Variants in SIK3 observed in about 807,000 individuals in gnomAD.
SIK3 encodes serine/threonine-protein kinase SIK3.
A neutral mutation model predicts 144.2 loss-of-function variants in SIK3; 28 were observed. The ratio of observed to expected loss-of-function variants is 0.19; its 90% confidence interval spans 0.14 to 0.27. The LOEUF (loss-of-function observed/expected upper bound fraction) is 0.27, where lower values mean the gene tolerates loss of function less well. Ranked by LOEUF, SIK3 falls within the 10% of genes least tolerant of loss-of-function variation. The probability of loss-of-function intolerance (pLI) is 1.00; values close to 1 mark genes in which losing one functional copy is unlikely to be tolerated. For missense variants in SIK3, 1,319 were observed against 1,776.0 expected, an observed-to-expected ratio of 0.74 and a Z score of 4.62; for synonymous variants, 686 against 676.3, an observed-to-expected ratio of 1.01 and a Z score of -0.22.
At chr11:116,914,118 C>A (rs1230360761) in intron 4 of SIK3, among the ~76,000 whole-genome samples, 23 of 151,306 alleles carry the variant, frequency 1.5e-4, no homozygotes, top group Non-Finnish European at 1.9e-4. Flanking sequence ...CAAAAAAAAA[C>A]TTCAAATGAG....
At chr11:116,864,099 C>T (rs1943498294) in intron 15 of SIK3, 1 of 263,966 alleles carries the variant, frequency 3.8e-6, no homozygotes. Context: ...CTTATAAATA[C>T]ACTAGGCCAG....
intron 13 of SIK3, among the ~76,000 whole-genome samples, chr11:116,872,517 T>G (rs2134523285): frequency 6.6e-6 from 1 of 152,348 alleles, no homozygotes; most frequent in Admixed American, 6.5e-5. Flanking sequence ...ACTGAAAGTG[T>G]GGCCCATGGA....
intron 1 of SIK3, among the ~76,000 whole-genome samples, chr11:117,093,122 C>T (rs919784942): frequency 2.0e-5 from 3 of 152,216 alleles, no homozygotes; most frequent in Admixed American, 6.5e-5. Context: ...AGGGATGGGG[C>T]TATCTTCCTC....
intron 1 of SIK3, among the ~76,000 whole-genome samples, chr11:117,090,539 CA>C (rs1423020496): frequency 6.6e-6 from 1 of 152,148 alleles, no homozygotes; most frequent in Non-Finnish European, 1.5e-5. Context: ...GTGAGGAGCC[CA>C]TCTAAGAAAC....
intron 1 of SIK3, among the ~76,000 whole-genome samples, chr11:117,018,388 C>T (rs1033018134): frequency 3.3e-5 from 5 of 152,186 alleles, no homozygotes; most frequent in Non-Finnish European, 5.9e-5. Context: ...GTGCAGGGGT[C>T]AGCTCTACAA....
At chr11:117,065,968 AAT>A (rs1953992218) in intron 1 of SIK3, among the ~76,000 whole-genome samples, 1 of 152,000 alleles carries the variant, frequency 6.6e-6, no homozygotes, top group Non-Finnish European at 1.5e-5. Flanking sequence ...TCCCTGAGCC[AAT>A]ATTTCTTTAT....
At chr11:116,863,155 A>G (rs1169009535) in intron 16 of SIK3, among the ~76,000 whole-genome samples, 2 of 152,124 alleles carry the variant, frequency 1.3e-5, no homozygotes, top group East Asian at 3.9e-4. Context: ...AATGAACTAG[A>G]GACAGGAGAA....
In SIK3 at chr11:117,098,383, C is replaced by A. The variant is rs2134123930; in HGVS notation, c.33G>T (p.Gly11=). MAAAAASGAG[G]AAGAGTGGAG... is the part of the protein sequence containing the mutation. The stretch of plus-strand genomic sequence containing the variant: ...CTCCCCCAGTCCCGGCCCCGGCAGC[C>A]CCGCCAGCTCCGCTCGCCGCCGCCG... The change falls in exon 1 of 25, where the codon GGG becomes GGT. Residue 11 remains glycine, a synonymous_variant. Coordinates refer to ENST00000445177, the MANE Select transcript of SIK3 (RefSeq NM_001366686.3). 1 of 1,170,160 alleles carries A rather than the reference C, an allele frequency of 8.5e-7. No homozygotes were observed. Among genetic ancestry groups the A allele is most frequent in the Non-Finnish European group, 1.1e-6 (1 of 949,484 alleles). The allele number at this position is 1,170,160 out of a possible 1,614,324, so 72.5% of individuals were successfully genotyped here.
chr11:117,036,884 T>G (rs79689168), intron 1 of SIK3, among the ~76,000 whole-genome samples: 5,902 of 152,286 alleles, frequency 0.039, 364 homozygotes, highest in African/African-American at 0.13. Flanking sequence ...CAATACCATA[T>G]GAATCAATCA....
intron 6 of SIK3, among the ~76,000 whole-genome samples, chr11:116,884,081 A>T (rs775258125): frequency 2.0e-5 from 3 of 152,190 alleles, no homozygotes; most frequent in Non-Finnish European, 2.9e-5. Flanking sequence ...TATTTTGGGT[A>T]CTGCTAGAAC....
chr11:116,896,182 A>G, intron 6 of SIK3, 71 bp downstream of exon 6: 1 of 1,586,772 alleles, frequency 6.3e-7, no homozygotes, highest in Non-Finnish European at 8.6e-7. Flanking sequence ...CCATCACTAA[A>G]TTCCTGGGAT....
intron 4 of SIK3, among the ~76,000 whole-genome samples, chr11:116,906,218 T>C (rs1226843664): frequency 1.3e-5 from 2 of 152,034 alleles, no homozygotes; most frequent in African/African-American, 4.8e-5. Context: ...AAAGATGTTC[T>C]GAAAGGAGCG....
intron 1 of SIK3, among the ~76,000 whole-genome samples, chr11:117,060,029 T>A (rs1301820195): frequency 6.6e-6 from 1 of 152,184 alleles, no homozygotes; most frequent in Non-Finnish European, 1.5e-5. Flanking sequence ...AAAACATATA[T>A]CCACACAAAA....
chr11:117,032,647 T>C (rs529112244), intron 1 of SIK3, among the ~76,000 whole-genome samples: 2 of 150,968 alleles, frequency 1.3e-5, no homozygotes, highest in South Asian at 2.1e-4. Context: ...GCTGGGACTA[T>C]GACACGCATC....
intron 1 of SIK3, among the ~76,000 whole-genome samples, chr11:117,073,087 T>G (rs1430660207): frequency 6.6e-6 from 1 of 152,178 alleles, no homozygotes; most frequent in Non-Finnish European, 1.5e-5. Context: ...AGCTACAGTC[T>G]TTAGTGGCAG....
At chr11:117,089,284 G>A (rs1955145264) in intron 1 of SIK3, among the ~76,000 whole-genome samples, 1 of 151,968 alleles carries the variant, frequency 6.6e-6, no homozygotes, top group South Asian at 2.1e-4. Context: ...GCAGGCGCCT[G>A]TAGTCCCAAC....
chr11:116,927,071 T>G, intron 4 of SIK3, 148 bp downstream of exon 4: 1 of 573,444 alleles, frequency 1.7e-6, no homozygotes, highest in Non-Finnish European at 2.8e-6. Context: ...AGTTTATCAA[T>G]TTTCAGGCTA....
chr11:117,012,996 C>T (rs537220383), intron 1 of SIK3, among the ~76,000 whole-genome samples: 2 of 151,832 alleles, frequency 1.3e-5, no homozygotes, highest in African/African-American at 2.4e-5. Context: ...GGACTACAAG[C>T]GCCCGCCATT....
At position 116,935,684 on chromosome 11, in the gene SIK3, CAG is replaced by C. The variant is rs112294623; in HGVS notation, c.455-8306_455-8305del. Among the ~76,000 whole-genome samples, 268 of 152,288 alleles carry C rather than the reference CAG, an allele frequency of 1.8e-3. 1 individual carries two copies. Among genetic ancestry groups the C allele is most frequent in the Middle Eastern group, 6.8e-3 (2 of 294 alleles). On this transcript the variant is annotated intron_variant, in intron 3 of 24. Coordinates refer to ENST00000445177, the MANE Select transcript of SIK3 (RefSeq NM_001366686.3). ...AATACTTGGTTTGCTAATCCTGTAA[CAG>C]AGGTTCTAATCAGATCCTAGTATAA...
Sources: gnomAD v4.1 joint callset for allele counts (sites outside exome capture counted in the v4.1 genomes callset) on GRCh38, gnomAD v4.1.1 for gene constraint, MANE v1.5 for transcripts, NCBI Gene and HGNC (gene_info 2026-07-23, HGNC 2026-07-21) for gene names.